The following XDH variants were observed in gnomAD, a reference collection of about 807,000 sequenced individuals.
XDH encodes the protein xanthine dehydrogenase.
In XDH, 138 loss-of-function variants were observed where a neutral mutation model predicts 156.1. The observed-to-expected ratio is 0.88, with a 90% CI of 0.77 to 1.02. The LOEUF (loss-of-function observed/expected upper bound fraction) is 1.02. XDH is among the 50% of genes least tolerant of loss of function. The probability of loss-of-function intolerance (pLI) is 0.00; values close to 1 mark genes in which losing one functional copy is unlikely to be tolerated. For synonymous variants in XDH, 669 were observed against 625.7 expected, an observed-to-expected ratio of 1.07 and a Z score of -1.03; for missense variants, 1,849 against 1,684.9, an observed-to-expected ratio of 1.10 and a Z score of -1.71.
chr2:31,350,413 T>G (rs1373973833), intron 24 of XDH, among the ~76,000 whole-genome samples, 190 bp from the exon 25 acceptor site: 1 of 142,528 alleles, frequency 7.0e-6, no homozygotes, highest in Non-Finnish European at 1.5e-5. Flanking sequence ...AGTCTCGCTC[T>G]GTCACCAGGC....
At chr2:31,365,650 G>A (rs900489947) in intron 22 of XDH, 106 bp from the exon 23 acceptor site, 128 of 1,330,678 alleles carry the variant, frequency 9.6e-5, no homozygotes, top group South Asian at 4.0e-4. Flanking sequence ...CCACCTGCAC[G>A]CTGAGCAGAC....
intron 33 of XDH, 105 bp from the exon 34 acceptor site, chr2:31,339,782 A>C: frequency 1.4e-6 from 2 of 1,455,532 alleles, no homozygotes; most frequent in South Asian, 2.4e-5. Flanking sequence ...GCGGCCTGGA[A>C]TGTAGCTAAA....
In XDH at chr2:31,366,927, T is replaced by G; in HGVS notation, c.2265A>C (p.Lys755Asn). 1 of 1,614,230 alleles carries G rather than the reference T, an allele frequency of 6.2e-7. No homozygotes were observed. The highest frequency in any genetic ancestry group is 8.5e-7 in the Non-Finnish European group (1 of 1,180,028). ...LETHCTIAVPKGEAGEMELFV... is the reference protein window; with the variant it reads ...LETHCTIAVPNGEAGEMELFV... Reference sequence around the variant, plus strand: ...AGAGCTCCATCTCCCCTGCCTCGCCTTTTGGAACAGCAATGGTGCAGTGAG... The same window carrying G: ...AGAGCTCCATCTCCCCTGCCTCGCCGTTTGGAACAGCAATGGTGCAGTGAG... The change falls in exon 21 of 36, where the codon AAA becomes AAC. Residue 755 changes from lysine (K) to asparagine (N), a missense_variant. Lys to Asn is a moderately conservative substitution (Grantham distance 94). Transcript: ENST00000379416.
chr2:31,368,572 T>A lies in XDH; in HGVS notation c.2069A>T (p.Tyr690Phe), dbSNP rs181111808. Reference sequence around the variant, plus strand: ...TGTGATAATGGCTGGTAGTTCTTCATAGGTGATTTTCACCCCTTGGGCAGC... The same window carrying A: ...TGTGATAATGGCTGGTAGTTCTTCAAAGGTGATTTTCACCCCTTGGGCAGC... ...QRAAQGVKIT[Y>F]EELPAIITIE... Residue 690 changes from tyrosine to phenylalanine, a missense_variant, in exon 19 of 36, where the codon TAT becomes TTT. Transcript: ENST00000379416. The A allele has an allele frequency of 4.3e-6, 7 of 1,614,200 alleles. No homozygotes were observed. Among genetic ancestry groups the A allele is most frequent in the Non-Finnish European group, 5.9e-6 (7 of 1,180,030 alleles).
chr2:31,406,307 A>C (rs1179269623), intron 1 of XDH, among the ~76,000 whole-genome samples: 1 of 151,990 alleles, frequency 6.6e-6, no homozygotes, highest in African/African-American at 2.4e-5. Flanking sequence ...GCCTGCTCCC[A>C]CTTTGCCTTC....
chr2:31,350,490 C>T (rs952317363), intron 24 of XDH, among the ~76,000 whole-genome samples: 1 of 150,000 alleles, frequency 6.7e-6, no homozygotes, highest in African/African-American at 2.5e-5. Flanking sequence ...AATTCTCCTG[C>T]CTCAGCCTCC....
At chr2:31,353,739 C>T (rs1685551571) in intron 24 of XDH, among the ~76,000 whole-genome samples, 1 of 152,162 alleles carries the variant, frequency 6.6e-6, no homozygotes, top group Non-Finnish European at 1.5e-5. Context: ...ACAATAAGTA[C>T]CCCAGCCAAA....
rs1656218948 is a variant in XDH, at chr2:31,346,659, C to T, written c.3351+110G>A. 5 of 1,296,812 alleles carry T rather than the reference C, an allele frequency of 3.9e-6. No individual in the cohort carries two copies. In the Admixed American group the frequency reaches 6.7e-5, roughly 17 times the overall value. 80.3% of individuals were successfully genotyped at this position (1,296,812 alleles called of 1,614,324 possible). On this transcript the variant is annotated intron_variant, in intron 30 of 35. Coordinates refer to ENST00000379416, the MANE Select transcript of XDH (RefSeq NM_000379.4). ...CACAAACCACCTCAACTTCTCTCTG[C>T]TGTTCTGACTAAAATATTGTCTCCT...
At position 31,368,895 on chromosome 2, in the gene XDH, T is replaced by C. The variant is rs17395161; in HGVS notation, c.1981-235A>G. Among the ~76,000 whole-genome samples, 3,451 of 152,302 alleles carry C rather than the reference T, an allele frequency of 0.023. 57 individuals carry two copies. Among genetic ancestry groups the C allele is most frequent in the Middle Eastern group, 0.068 (20 of 294 alleles). ...CTGAGTATTTAGTACTGGCAGACTA[T>C]TGAGAAGCTGAACCAGATAGAATGT... On this transcript the variant is annotated intron_variant, in intron 18 of 35. Coordinates refer to ENST00000379416, the MANE Select transcript of XDH (RefSeq NM_000379.4).
chr2:31,413,408 G>A (rs1003047656), intron 1 of XDH, among the ~76,000 whole-genome samples: 4 of 152,216 alleles, frequency 2.6e-5, no homozygotes, highest in African/African-American at 9.6e-5. Context: ...GCAGCTCAGA[G>A]AGGAAACTCT....
intron 1 of XDH, among the ~76,000 whole-genome samples, chr2:31,411,273 C>T (rs206809): frequency 0.048 from 7,189 of 148,884 alleles, 269 homozygotes; most frequent in Middle Eastern, 0.097. Flanking sequence ...ACAGTGAAAC[C>T]CTGTCTCAGG....
chr2:31,364,572 G>C lies in XDH; in HGVS notation c.2545-328C>G, dbSNP rs574392811. On this transcript the variant is annotated intron_variant, in intron 23 of 35. Transcript: ENST00000379416. ...AAGAGAAGGCTGGTCACGATAGGGC[G>C]GGGGGGAAGCGCAGGGAAGAGAAAC... Among the ~76,000 whole-genome samples the C allele has an allele frequency of 7.2e-5, 11 of 152,048 alleles. No individual in the cohort carries two copies. The East Asian group carries it at 7.7e-4, about 11-fold the overall frequency.
Position 31,339,666 on chromosome 2 carries a change from T to C in XDH, c.3597A>G (p.Ala1199=), listed in dbSNP as rs573992165. The change falls in exon 34 of 36, where the codon GCA becomes GCG. Residue 1199 remains alanine (A), a synonymous_variant. Coordinates refer to ENST00000379416, the MANE Select transcript of XDH (RefSeq NM_000379.4). ...PAIDIGQVEG[A]FVQGLGLFTL... ...TGAAGAGGCCAAGGCCCTGGACAAA[T>C]GCCCCTTCCACCTGCAGGATGGATG... 4 of 1,614,082 alleles carry C rather than the reference T, an allele frequency of 2.5e-6. No individual in the cohort carries two copies. The African/African-American group carries it at 4.0e-5, about 16-fold the overall frequency.
At chr2:31,353,632 T>A (rs2284831) in intron 24 of XDH, among the ~76,000 whole-genome samples, 1 of 152,026 alleles carries the variant, frequency 6.6e-6, no homozygotes, top group African/African-American at 2.4e-5. Flanking sequence ...ATGCCAATGA[T>A]GACAGAGACC....
rs1290244137 is a variant in XDH, at chr2:31,383,762, T to C, written c.879A>G (p.Gly293=). Residue 293 remains glycine, a synonymous_variant, in exon 10 of 36, where the codon GGA becomes GGG. Transcript: ENST00000379416. ...GAGTGAACCTCCTCTTACCGTCGGG[T>C]CCATGTTCTACCGAATTCAGCTCAG... The part of the protein sequence containing the change: ...WIPELNSVEH[G]PDGISFGAAC... 1 of 1,613,546 alleles carries C rather than the reference T, an allele frequency of 6.2e-7. No individual in the cohort carries two copies. Among genetic ancestry groups the C allele is most frequent in the Non-Finnish European group, 8.5e-7 (1 of 1,179,832 alleles).
chr2:31,378,107 A>AAATAAAGAAAGG (rs1686309201), intron 13 of XDH, among the ~76,000 whole-genome samples: 1 of 54,472 alleles, frequency 1.8e-5, no homozygotes, highest in Non-Finnish European at 3.6e-5. Context: ...AGAAAGAAAG[A>AAATAAAGAAAGG]AAGGAAGGAA....
intron 4 of XDH, among the ~76,000 whole-genome samples, chr2:31,399,578 G>C (rs1417211459): frequency 1.3e-5 from 2 of 152,226 alleles, no homozygotes; most frequent in African/African-American, 2.4e-5. Context: ...AACCTAATTT[G>C]GTTTGGCTGT....
At chr2:31,407,492 C>T (rs1207767053) in intron 1 of XDH, among the ~76,000 whole-genome samples, 1 of 152,162 alleles carries the variant, frequency 6.6e-6, no homozygotes, top group Non-Finnish European at 1.5e-5. Context: ...CTTCCCCAAA[C>T]TGGAGGCTGA....
intron 14 of XDH, among the ~76,000 whole-genome samples, chr2:31,375,851 T>A (rs939978670): frequency 1.3e-5 from 2 of 152,250 alleles, no homozygotes; most frequent in Non-Finnish European, 2.9e-5. Context: ...CACTTTTAAT[T>A]TAAATTTGAA....
Sources: allele counts gnomAD v4.1 joint callset (sites outside exome capture counted in the v4.1 genomes callset), GRCh38; gene constraint gnomAD v4.1.1; transcripts MANE v1.5; gene names NCBI Gene and HGNC (gene_info 2026-07-23, HGNC 2026-07-21).